The following AK7 variants were observed in gnomAD, a reference collection of about 807,000 sequenced individuals.
AK7 encodes ATP-AMP transphosphorylase 7.
In AK7, 78 loss-of-function variants were observed where a neutral mutation model predicts 96.6. The observed-to-expected ratio is 0.81, with a 90% CI of 0.67 to 0.97. The LOEUF is 0.97. Among genes scored for constraint, AK7 ranks in the 50% least tolerant of loss-of-function variants. The pLI, the probability that AK7 is intolerant of heterozygous loss-of-function variation, is 0.00. For synonymous variants in AK7, 302 were observed against 317.2 expected (o/e 0.95, Z 0.51); for missense variants, 855 against 887.9 (o/e 0.96, Z 0.47).
chr14:96,485,514 C>T (rs1895718192), intron 16 of AK7, among the ~76,000 whole-genome samples: 1 of 152,156 alleles, frequency 6.6e-6, no homozygotes, highest in Non-Finnish European at 1.5e-5. Context: ...TTCATACAGT[C>T]ATTGTGGTGA....
At chr14:96,461,101 T>C (rs1044744838) in intron 12 of AK7, among the ~76,000 whole-genome samples, 6 of 152,324 alleles carry the variant, frequency 3.9e-5, no homozygotes, top group East Asian at 1.9e-4. Flanking sequence ...AGATGAATGC[T>C]TGGGGATGTA....
intron 5 of AK7, among the ~76,000 whole-genome samples, chr14:96,432,580 T>C (rs1184985284): frequency 1.3e-5 from 2 of 152,128 alleles, no homozygotes; most frequent in East Asian, 3.9e-4. Context: ...GCAGGCCTGG[T>C]GGTGACAAAG....
intron 5 of AK7, chr14:96,421,460 G>A (rs571577004): frequency 1.3e-5 from 2 of 152,270 alleles, no homozygotes; most frequent in South Asian, 2.1e-4. Flanking sequence ...ATTTCCTGGC[G>A]TGGAGCTGAG....
At chr14:96,464,014 G>A (rs1169254892) in intron 12 of AK7, among the ~76,000 whole-genome samples, 1 of 152,052 alleles carries the variant, frequency 6.6e-6, no homozygotes, top group Non-Finnish European at 1.5e-5. Flanking sequence ...CCAGATCCCA[G>A]GAGCAGGTTC....
intron 7 of AK7, among the ~76,000 whole-genome samples, chr14:96,445,657 A>G (rs893411435): frequency 2.0e-5 from 3 of 152,164 alleles, no homozygotes; most frequent in Non-Finnish European, 4.4e-5. Flanking sequence ...GAGACTCAAA[A>G]TAAATAAATA....
At chr14:96,462,735 G>T (rs1946659354) in intron 12 of AK7, among the ~76,000 whole-genome samples, 1 of 152,174 alleles carries the variant, frequency 6.6e-6, no homozygotes, top group Non-Finnish European at 1.5e-5. Flanking sequence ...CCAACTTGTT[G>T]ATGTCTCTAC....
intron 1 of AK7, among the ~76,000 whole-genome samples, chr14:96,395,108 T>G (rs953428597): frequency 6.6e-6 from 1 of 152,214 alleles, no homozygotes; most frequent in Non-Finnish European, 1.5e-5. Context: ...CAAGTGATCT[T>G]CCCACCTCAG....
At chr14:96,468,639 T>C (rs1181308233) in intron 12 of AK7, among the ~76,000 whole-genome samples, 4 of 152,160 alleles carry the variant, frequency 2.6e-5, no homozygotes, top group East Asian at 3.9e-4. Context: ...TGTTTGGTCA[T>C]CATCAGTTAA....
intron 10 of AK7, among the ~76,000 whole-genome samples, chr14:96,454,655 T>C (rs1027207739): frequency 7.0e-6 from 1 of 142,182 alleles, no homozygotes; most frequent in African/African-American, 2.5e-5. Context: ...AGCCAATATT[T>C]AAAAAAAATT....
intron 16 of AK7, among the ~76,000 whole-genome samples, chr14:96,483,585 C>T (rs566514359): frequency 1.3e-5 from 2 of 152,060 alleles, no homozygotes; most frequent in African/African-American, 4.8e-5. Context: ...CCAAGCCCAG[C>T]TCATTTTTCT....
chr14:96,427,250 A>C (rs1435822085), intron 5 of AK7, among the ~76,000 whole-genome samples: 5 of 152,184 alleles, frequency 3.3e-5, no homozygotes, highest in Non-Finnish European at 7.3e-5. Flanking sequence ...CGTCTCAAAA[A>C]CAAACAAAAA....
chr14:96,453,171 A>G (rs1893704729), intron 10 of AK7, among the ~76,000 whole-genome samples: 1 of 152,150 alleles, frequency 6.6e-6, no homozygotes, highest in Admixed American at 6.6e-5. Context: ...CAAAAGAAAT[A>G]ATGATCTCTT....
chr14:96,472,846 C>G, intron 14 of AK7, 91 bp downstream of exon 14: 1 of 1,065,892 alleles, frequency 9.4e-7, no homozygotes, highest in Non-Finnish European at 1.4e-6. Context: ...CTTTGGGAGG[C>G]CAAGGCGGGT....
At chr14:96,408,981 C>G in intron 4 of AK7, 40 bp downstream of exon 4, 1 of 1,592,632 alleles carries the variant, frequency 6.3e-7, no homozygotes, top group East Asian at 2.2e-5. Context: ...AACATTTCAG[C>G]CATAACACCT....
intron 16 of AK7, among the ~76,000 whole-genome samples, chr14:96,484,571 G>A (rs1295193264): frequency 6.6e-6 from 1 of 152,148 alleles, no homozygotes; most frequent in East Asian, 1.9e-4. Flanking sequence ...GTGCACCAAT[G>A]GTGGTCTTGG....
At chr14:96,420,388 G>A (rs1001131149) in intron 4 of AK7, among the ~76,000 whole-genome samples, 2 of 151,714 alleles carry the variant, frequency 1.3e-5, no homozygotes, top group African/African-American at 4.8e-5. Context: ...TCAGCTACTT[G>A]GGAGGCTGAG....
At chr14:96,479,952 G>A (rs1451064757) in intron 15 of AK7, among the ~76,000 whole-genome samples, 1 of 152,104 alleles carries the variant, frequency 6.6e-6, no homozygotes, top group Non-Finnish European at 1.5e-5. Context: ...AGGCAGGAGA[G>A]CTAATTCCAA....
At chr14:96,458,297 A>G (rs1894051691) in intron 12 of AK7, 85 bp downstream of exon 12, 1 of 1,524,452 alleles carries the variant, frequency 6.6e-7, no homozygotes, top group Non-Finnish European at 8.8e-7. Context: ...CTGTTTAAAA[A>G]AAAAAGACTG....
At chr14:96,407,500 T>C (rs1311346838) in intron 3 of AK7, among the ~76,000 whole-genome samples, 2 of 152,018 alleles carry the variant, frequency 1.3e-5, no homozygotes, top group East Asian at 1.9e-4. Flanking sequence ...AATCATACCA[T>C]GGCAGCTGCA....
Sources: gnomAD v4.1 joint callset for allele counts (sites outside exome capture counted in the v4.1 genomes callset) on GRCh38, gnomAD v4.1.1 for gene constraint, MANE v1.5 for transcripts, NCBI Gene and HGNC (gene_info 2026-07-23, HGNC 2026-07-21) for gene names.